POLE: variants seen among roughly 807,000 people sequenced by gnomAD.
The protein encoded by POLE is DNA polymerase epsilon, catalytic subunit.
Under a neutral mutation model 279.2 loss-of-function variants are expected in POLE, and 188 were observed. That is an observed-to-expected ratio of 0.67 (90% CI 0.60 to 0.76). POLE has a LOEUF of 0.76. Among genes scored for constraint, POLE ranks in the 30% least tolerant of loss-of-function variants. The probability of loss-of-function intolerance (pLI) is 0.00; values close to 1 mark genes in which losing one functional copy is unlikely to be tolerated. For synonymous variants in POLE, 1,214 were observed against 1,172.5 expected, an observed-to-expected ratio of 1.04 and a Z score of -0.72; for missense variants, 2,703 against 3,016.7, an observed-to-expected ratio of 0.90 and a Z score of 2.44.
In POLE at chr12:132,639,301, G is replaced by C. The variant is rs1415497701; in HGVS notation, c.5379-3C>G. 4.3e-6 allele frequency: 7 copies of C among 1,613,694 alleles called. No individual in the cohort carries two copies. The highest frequency in any genetic ancestry group is 5.9e-6 in the Non-Finnish European group (7 of 1,179,810). ...CCACGACCATGCTCTTCAGGATCCT[G>C]AAAGAGAAGGTGCACGACACCCTCG... On this transcript the variant is annotated splice_region_variant and splice_polypyrimidine_tract_variant and intron_variant, in intron 39 of 48. Coordinates refer to ENST00000320574, the MANE Select transcript of POLE (RefSeq NM_006231.4). The surrounding 1 kb of genome is among the most constrained non-coding windows in gnomAD (Gnocchi z 4.7).
At chr12:132,677,322 A>C in intron 8 of POLE, 41 bp downstream of exon 8, 1 of 1,454,596 alleles carries the variant, frequency 6.9e-7, no homozygotes, top group Non-Finnish European at 9.7e-7. Flanking sequence ...TCTCCAGAAA[A>C]CTGGAAATTT....
At chr12:132,681,348 T>C (rs981211899) in intron 1 of POLE, 69 bp from the exon 2 acceptor site, 53 of 1,534,366 alleles carry the variant, frequency 3.5e-5, no homozygotes, top group Non-Finnish European at 4.5e-5. Flanking sequence ...TTTTTCTTTT[T>C]TTTCTTTTTT....
chr12:132,635,940 G>A lies in POLE; in HGVS notation c.5763C>T (p.Asn1921=), dbSNP rs113976595. 2.5e-6 allele frequency: 4 copies of A among 1,613,816 alleles called. No homozygotes were observed. Among genetic ancestry groups the A allele is most frequent in the Non-Finnish European group, 3.4e-6 (4 of 1,179,882 alleles). Residue 1921 remains asparagine, a synonymous_variant, in exon 42 of 49, where the codon AAC becomes AAT. Transcript: ENST00000320574. The part of the protein sequence containing the change: ...WEFLLWMDPS[N]YGGIKGKVSS... ...AAACTTTTCCTTTGATTCCGCCATAGTTAGATGGATCCATCCAGAGAAGAA... is the reference window on the plus strand; with the variant it reads ...AAACTTTTCCTTTGATTCCGCCATAATTAGATGGATCCATCCAGAGAAGAA...
At chr12:132,672,488 G>A (rs886315787) in intron 15 of POLE, 139 bp downstream of exon 15, 29 of 1,077,666 alleles carry the variant, frequency 2.7e-5, no homozygotes, top group South Asian at 4.2e-5. Flanking sequence ...CCCGGGGGGT[G>A]CTGGGCCAGA....
intron 23 of POLE, among the ~76,000 whole-genome samples, chr12:132,663,163 T>G (rs1461556890): frequency 6.6e-6 from 1 of 152,210 alleles, no homozygotes; most frequent in Non-Finnish European, 1.5e-5. Flanking sequence ...GCTGCTGTGA[T>G]GGCTCTAATA....
At chr12:132,659,895 T>C (rs2042640980) in intron 25 of POLE, 1 of 214,608 alleles carries the variant, frequency 4.7e-6, no homozygotes. Flanking sequence ...TTTTGCCATG[T>C]TGGCCAGGCT....
At chr12:132,625,163 C>T (rs1047406698) in intron 47 of POLE, 169 bp from the exon 48 acceptor site, 3 of 677,916 alleles carry the variant, frequency 4.4e-6, no homozygotes, top group Non-Finnish European at 8.1e-6. Flanking sequence ...CCTCATCCCA[C>T]GGTGCCAGCG....
intron 36 of POLE, 30 bp downstream of exon 36, chr12:132,642,790 C>A (rs2138537955): frequency 6.2e-7 from 1 of 1,613,474 alleles, no homozygotes; most frequent in Non-Finnish European, 8.5e-7. Context: ...GAAGATGGGG[C>A]TCACACAGCA....
intron 6 of POLE, 79 bp downstream of exon 6, chr12:132,679,418 T>C: frequency 3.6e-6 from 5 of 1,402,846 alleles, no homozygotes; most frequent in Non-Finnish European, 3.9e-6. Flanking sequence ...TAAGGTAACT[T>C]TGTTGCTACG....
intron 45 of POLE, among the ~76,000 whole-genome samples, chr12:132,630,111 C>T (rs994573072): frequency 4.6e-5 from 7 of 152,150 alleles, no homozygotes; most frequent in African/African-American, 1.7e-4. Context: ...CGCCCCAAAA[C>T]AATTGCCATA....
intron 1 of POLE, among the ~76,000 whole-genome samples, chr12:132,683,631 A>C (rs920353398): frequency 5.9e-5 from 9 of 152,266 alleles, no homozygotes; most frequent in Non-Finnish European, 1.2e-4. Flanking sequence ...GCTAGAGAAC[A>C]GCCTCAGTTC....
Position 132,675,638 on chromosome 12 carries a change from G to A in POLE, c.1106+97C>T. 7 of 1,571,702 alleles carry A rather than the reference G, an allele frequency of 4.5e-6. No individual in the cohort carries two copies. Among genetic ancestry groups the A allele is most frequent in the Non-Finnish European group, 6.1e-6 (7 of 1,145,648 alleles). On this transcript the variant is annotated intron_variant, in intron 11 of 48. Coordinates refer to ENST00000320574, the MANE Select transcript of POLE (RefSeq NM_006231.4). This position sits in a 1 kb window ranked among gnomAD's most constrained non-coding sequence, Gnocchi z 4.3. The stretch of plus-strand genomic sequence containing the variant: ...CGGGAGGTGCAGAGTGAACCCAGGA[G>A]CCACCTCCTAAGTCGACATGGGAAG...
At chr12:132,680,361 C>A in intron 3 of POLE, 139 bp from the exon 4 acceptor site, 1 of 783,320 alleles carries the variant, frequency 1.3e-6, no homozygotes, top group South Asian at 1.5e-5. Context: ...TACAGGAAGT[C>A]AGAATGCGCA....
chr12:132,624,565 C>T lies in POLE; in HGVS notation c.*132G>A. The T allele has an allele frequency of 2.8e-6, 2 of 711,310 alleles. No individual in the cohort carries two copies. Among genetic ancestry groups the T allele is most frequent in the Non-Finnish European group, 5.1e-6 (2 of 388,828 alleles). 44.1% of individuals were successfully genotyped at this position (711,310 alleles called of 1,614,324 possible). A position where few individuals can be genotyped will look rare whatever the true frequency, so the allele number is the denominator to read the frequency against. On this transcript the variant is annotated 3_prime_UTR_variant, in exon 49 of 49. Coordinates refer to ENST00000320574, the MANE Select transcript of POLE (RefSeq NM_006231.4). ...AAATGGTTTTCTTTGGTTTCCTCCC[C>T]GTTCCCTGGCCTGGGGTCACAGGTT...
intron 1 of POLE, among the ~76,000 whole-genome samples, chr12:132,686,910 G>C (rs1565986069): frequency 6.6e-6 from 1 of 151,214 alleles, no homozygotes; most frequent in Non-Finnish European, 1.5e-5. Context: ...CACCCCGCAG[G>C]GCCTGGCCCG....
At chr12:132,669,851 C>A (rs1213412745) in intron 16 of POLE, among the ~76,000 whole-genome samples, 3 of 152,202 alleles carry the variant, frequency 2.0e-5, no homozygotes, top group East Asian at 3.9e-4. Context: ...TTCAGGGACA[C>A]AAAGGCGATC....
At chr12:132,666,349 A>AG (rs2042796261) in intron 20 of POLE, among the ~76,000 whole-genome samples, 1 of 152,240 alleles carries the variant, frequency 6.6e-6, no homozygotes, top group Admixed American at 6.5e-5. Flanking sequence ...GCCCTGTGGG[A>AG]GGCTGGGGTG....
chr12:132,668,931 AT>A lies in POLE; in HGVS notation c.1802del (p.Asp601ValfsTer10). 1 of 1,612,844 alleles carries A rather than the reference AT, an allele frequency of 6.2e-7. No individual in the cohort carries two copies. The highest frequency in any genetic ancestry group is 8.5e-7 in the Non-Finnish European group (1 of 1,178,930). ...EQVTNFEEVCDEIKSKLASLK... is the reference protein window; with the variant it reads ...EQVTNFEEVCXEIKSKLASLK... ...GGGAGGCAAGCTTGCTCTTAATCTCATCACACACCTGCAGAGAAAGCGAAAC... is the reference window on the plus strand; with the variant it reads ...GGGAGGCAAGCTTGCTCTTAATCTCACACACACCTGCAGAGAAAGCGAAAC... On this transcript the variant is annotated frameshift_variant, in exon 17 of 49. Coordinates refer to ENST00000320574, the MANE Select transcript of POLE (RefSeq NM_006231.4). LOFTEE classifies it high-confidence loss of function. The surrounding 1 kb of genome is among the most constrained non-coding windows in gnomAD (Gnocchi z 4.0).
chr12:132,626,841 C>G (rs1028237222), intron 45 of POLE, among the ~76,000 whole-genome samples: 2 of 152,222 alleles, frequency 1.3e-5, no homozygotes, highest in Non-Finnish European at 2.9e-5. Context: ...TTCTTGAATA[C>G]AAGCGTATCT....
Sources: allele counts gnomAD v4.1 joint callset (sites outside exome capture counted in the v4.1 genomes callset), GRCh38; gene constraint gnomAD v4.1.1; non-coding constraint Gnocchi (gnomAD v3.1); transcripts MANE v1.5; gene names NCBI Gene and HGNC (gene_info 2026-07-23, HGNC 2026-07-21).